SMAP1: variants seen among roughly 807,000 people sequenced by gnomAD.
SMAP1 encodes the protein stromal membrane-associated protein 1.
Under a neutral mutation model 58.5 loss-of-function variants are expected in SMAP1, and 24 were observed. The ratio of observed to expected loss-of-function variants is 0.41; its 90% CI spans 0.30 to 0.58. SMAP1 has a LOEUF of 0.58. Among genes scored for constraint, SMAP1 ranks in the 20% least tolerant of loss-of-function variants. The pLI is 0.29. For synonymous variants in SMAP1, 216 were observed against 196.6 expected (o/e 1.10, Z -0.82); for missense variants, 563 against 566.3 (o/e 0.99, Z 0.06).
At chr6:70,777,924 G>T (rs1219782204) in intron 4 of SMAP1, among the ~76,000 whole-genome samples, 1 of 151,808 alleles carries the variant, frequency 6.6e-6, no homozygotes, top group Non-Finnish European at 1.5e-5. Flanking sequence ...GGCTAACTTT[G>T]TATTTTTGTT....
At chr6:70,807,602 T>C (rs1443552237) in intron 6 of SMAP1, among the ~76,000 whole-genome samples, 2 of 152,236 alleles carry the variant, frequency 1.3e-5, no homozygotes, top group African/African-American at 4.8e-5. Flanking sequence ...TCTTTCAGTT[T>C]AATCAGATTT....
chr6:70,763,368 C>T (rs1366823897), intron 3 of SMAP1, among the ~76,000 whole-genome samples: 1 of 152,012 alleles, frequency 6.6e-6, no homozygotes, highest in African/African-American at 2.4e-5. Flanking sequence ...AATGTTATAA[C>T]AAAATTATAA....
At chr6:70,810,516 A>T (rs1769341295) in intron 6 of SMAP1, among the ~76,000 whole-genome samples, 1 of 152,124 alleles carries the variant, frequency 6.6e-6, no homozygotes, top group Non-Finnish European at 1.5e-5. Flanking sequence ...CATATTATAC[A>T]TATTATTTTG....
chr6:70,830,951 A>T (rs565511269), intron 6 of SMAP1, among the ~76,000 whole-genome samples: 1 of 152,220 alleles, frequency 6.6e-6, no homozygotes, highest in Non-Finnish European at 1.5e-5. Context: ...GATTATTTAA[A>T]TTGCCTTGTT....
intron 6 of SMAP1, among the ~76,000 whole-genome samples, chr6:70,821,442 A>G (rs1769887435): frequency 6.6e-6 from 1 of 152,164 alleles, no homozygotes; most frequent in Admixed American, 6.5e-5. Context: ...TGGCATTGTC[A>G]TGAAGAAAAA....
intron 1 of SMAP1, among the ~76,000 whole-genome samples, chr6:70,706,777 T>C (rs954232495): frequency 2.0e-5 from 3 of 152,208 alleles, no homozygotes; most frequent in African/African-American, 7.2e-5. Flanking sequence ...TTTTGTGTTA[T>C]GTGTATTGTT....
At chr6:70,693,396 C>T (rs1399585948) in intron 1 of SMAP1, among the ~76,000 whole-genome samples, 1 of 149,340 alleles carries the variant, frequency 6.7e-6, no homozygotes, top group East Asian at 2.0e-4. Flanking sequence ...CTCTGCCTTC[C>T]AGGTTCAAGC....
intron 1 of SMAP1, among the ~76,000 whole-genome samples, chr6:70,727,897 T>A (rs1765252613): frequency 6.6e-6 from 1 of 152,034 alleles, no homozygotes; most frequent in Non-Finnish European, 1.5e-5. Context: ...ACCCTGTCTC[T>A]ACAAAAAATA....
chr6:70,746,296 A>C (rs1455063141), intron 2 of SMAP1, among the ~76,000 whole-genome samples: 1 of 152,172 alleles, frequency 6.6e-6, no homozygotes, highest in Non-Finnish European at 1.5e-5. Context: ...TCAGTATGAT[A>C]TTGGCTGTGG....
chr6:70,769,575 C>T (rs1264330513), intron 3 of SMAP1, among the ~76,000 whole-genome samples: 2 of 151,982 alleles, frequency 1.3e-5, no homozygotes, highest in Non-Finnish European at 2.9e-5. Context: ...GGATTGCAAC[C>T]CCTGCCTTTT....
chr6:70,804,752 A>T (rs1438586744), intron 6 of SMAP1, among the ~76,000 whole-genome samples: 4 of 152,256 alleles, frequency 2.6e-5, no homozygotes, highest in Admixed American at 6.5e-5. Context: ...TCCTTCACTT[A>T]TGAAGCTTAG....
intron 10 of SMAP1, chr6:70,859,674 A>AAAAT (rs1469574170): frequency 8.1e-6 from 2 of 248,304 alleles, no homozygotes; most frequent in African/African-American, 2.2e-5. Flanking sequence ...GTCTTGAAGA[A>AAAAT]AAATACATGT....
chr6:70,852,647 G>T lies in SMAP1; in HGVS notation c.772G>T (p.Val258Phe), dbSNP rs772439510. Reference sequence around the variant, plus strand: ...GATTTCTAATCCCTTACCTGCAACTGTCATGCCCCCAGCTCAGGTATGTGA... The same window carrying T: ...GATTTCTAATCCCTTACCTGCAACTTTCATGCCCCCAGCTCAGGTATGTGA... ...PMISNPLPAT[V>F]MPPAQGTPSA... The change falls in exon 8 of 11, where the codon GTC becomes TTC. Residue 258 changes from valine to phenylalanine, a missense_variant. Transcript: ENST00000370455. 6.2e-7 allele frequency: 1 copy of T among 1,606,026 alleles called. No homozygotes were observed. Among genetic ancestry groups the T allele is most frequent in the African/African-American group, 1.3e-5 (1 of 74,580 alleles).
chr6:70,808,548 G>T (rs1443655469), intron 6 of SMAP1, among the ~76,000 whole-genome samples: 3 of 152,182 alleles, frequency 2.0e-5, no homozygotes, highest in Non-Finnish European at 4.4e-5. Context: ...TGATCCATCA[G>T]TCACTTAACT....
At chr6:70,757,806 A>G (rs1327941416) in intron 3 of SMAP1, among the ~76,000 whole-genome samples, 2 of 152,268 alleles carry the variant, frequency 1.3e-5, no homozygotes, top group East Asian at 3.8e-4. Context: ...AATGCAAATC[A>G]AAACCACAAT....
intron 4 of SMAP1, among the ~76,000 whole-genome samples, chr6:70,779,001 G>C (rs141702655): frequency 6.6e-5 from 10 of 152,344 alleles, no homozygotes; most frequent in Non-Finnish European, 1.5e-4. Context: ...GCATGTGCAG[G>C]CATTTGCATT....
chr6:70,706,422 G>A (rs1306091091), intron 1 of SMAP1, among the ~76,000 whole-genome samples: 1 of 151,980 alleles, frequency 6.6e-6, no homozygotes, highest in African/African-American at 2.4e-5. Flanking sequence ...TTTTGAACTT[G>A]TCTTTTTTCA....
At chr6:70,724,281 T>G (rs1236887076) in intron 1 of SMAP1, among the ~76,000 whole-genome samples, 2 of 151,910 alleles carry the variant, frequency 1.3e-5, no homozygotes, top group African/African-American at 4.8e-5. Flanking sequence ...ACTGCAACCT[T>G]TGCCTCCTGG....
In SMAP1 at chr6:70,855,050, TCATATACATATA is replaced by T. The variant is rs369822474; in HGVS notation, c.790-1759_790-1748del. Among the ~76,000 whole-genome samples the T allele has an allele frequency of 4.7e-3, 579 of 124,424 alleles. 3 individuals carry two copies. The highest frequency in any genetic ancestry group is 0.017 in the South Asian group (54 of 3,260). The allele number at this position is 124,424 out of a possible 152,430, so 81.6% of individuals were successfully genotyped here. A position where few individuals can be genotyped will look rare whatever the true frequency, so the allele number is the denominator to read the frequency against. ...ATGGAGAAACCCCTTTCCTGTTCTTTCATATACATATACATATACATATACATATACATATAC... is the reference window on the plus strand; with the variant it reads ...ATGGAGAAACCCCTTTCCTGTTCTTTCATATACATATACATATACATATAC... On this transcript the variant is annotated intron_variant, in intron 8 of 10. Transcript: ENST00000370455.
Sources: allele counts gnomAD v4.1 joint callset (sites outside exome capture counted in the v4.1 genomes callset), GRCh38; gene constraint gnomAD v4.1.1; transcripts MANE v1.5; gene names NCBI Gene and HGNC (gene_info 2026-07-23, HGNC 2026-07-21).